The following GRID2 variants were observed in gnomAD, a reference collection of about 807,000 sequenced individuals.
GRID2 encodes the protein glutamate receptor ionotropic, delta-2.
Under a neutral mutation model 114.8 loss-of-function variants are expected in GRID2, and 33 were observed. The observed-to-expected ratio is 0.29, with a 90% confidence interval of 0.22 to 0.38. GRID2 has a LOEUF of 0.38. Among genes scored for constraint, GRID2 ranks in the 10% least tolerant of loss-of-function variants. GRID2 has a pLI of 1.00. For missense variants in GRID2, 1,184 were observed against 1,257.7 expected, an observed-to-expected ratio of 0.94 and a Z score of 0.89; for synonymous variants, 505 against 449.9, an observed-to-expected ratio of 1.12 and a Z score of -1.55.
At chr4:92,496,737 G>C (rs1579467365) in intron 1 of GRID2, among the ~76,000 whole-genome samples, 1 of 151,636 alleles carries the variant, frequency 6.6e-6, no homozygotes, top group East Asian at 1.9e-4. Context: ...GAAAATGAAT[G>C]TTGTTAATAC....
At chr4:92,344,512 A>G (rs1395283232) in intron 1 of GRID2, among the ~76,000 whole-genome samples, 2 of 152,216 alleles carry the variant, frequency 1.3e-5, no homozygotes, top group African/African-American at 4.8e-5. Context: ...GCTCAAAACA[A>G]GAAGATTTAT....
At position 92,400,499 on chromosome 4, in the gene GRID2, A is replaced by G. The variant is rs188902941; in HGVS notation, c.88+95755A>G. On this transcript the variant is annotated intron_variant, in intron 1 of 15. Transcript: ENST00000282020. Reference sequence around the variant, plus strand: ...TGGCCATACCACTATTTGTTTATCTACTCATCAAGTGTTGGGCATTTGAGT... The same window carrying G: ...TGGCCATACCACTATTTGTTTATCTGCTCATCAAGTGTTGGGCATTTGAGT... Among the ~76,000 whole-genome samples, 405 of 152,158 alleles carry G rather than the reference A, an allele frequency of 2.7e-3. 5 individuals carry two copies. The highest frequency in any genetic ancestry group is 9.4e-3 in the African/African-American group (391 of 41,514).
At chr4:92,836,119 G>A (rs1742439564) in intron 2 of GRID2, among the ~76,000 whole-genome samples, 1 of 152,006 alleles carries the variant, frequency 6.6e-6, no homozygotes, top group South Asian at 2.1e-4. Context: ...ATTTATTTTT[G>A]TATCATCTAT....
chr4:92,956,881 T>A (rs1752443805), intron 2 of GRID2, among the ~76,000 whole-genome samples: 2 of 152,172 alleles, frequency 1.3e-5, no homozygotes, highest in Non-Finnish European at 2.9e-5. Flanking sequence ...ATTGTTGTTT[T>A]AATTTTAATT....
At chr4:92,951,935 G>A (rs1752071695) in intron 2 of GRID2, among the ~76,000 whole-genome samples, 1 of 151,952 alleles carries the variant, frequency 6.6e-6, no homozygotes, top group African/African-American at 2.4e-5. Flanking sequence ...ACATGGATAT[G>A]CTATCTCACC....
intron 13 of GRID2, among the ~76,000 whole-genome samples, chr4:93,552,291 C>T (rs1309751025): frequency 2.0e-5 from 3 of 151,922 alleles, no homozygotes; most frequent in Non-Finnish European, 4.4e-5. Context: ...GTTGGACATT[C>T]GGGTTGGTCA....
chr4:93,067,968 G>T (rs1243688285), intron 2 of GRID2, among the ~76,000 whole-genome samples: 1 of 151,890 alleles, frequency 6.6e-6, no homozygotes, highest in Non-Finnish European at 1.5e-5. Flanking sequence ...ATGTTGAATA[G>T]CCTAGAATCT....
intron 10 of GRID2, among the ~76,000 whole-genome samples, chr4:93,425,207 T>C (rs1360609361): frequency 6.6e-6 from 1 of 152,170 alleles, no homozygotes; most frequent in African/African-American, 2.4e-5. Flanking sequence ...GATTATATAT[T>C]GGACTTCGTG....
At chr4:93,301,623 T>C (rs1754877500) in intron 8 of GRID2, among the ~76,000 whole-genome samples, 1 of 152,184 alleles carries the variant, frequency 6.6e-6, no homozygotes, top group East Asian at 1.9e-4. Flanking sequence ...ACTGTTTAAT[T>C]TGAAGATTCC....
At chr4:93,070,873 G>A (rs1021834307) in intron 2 of GRID2, among the ~76,000 whole-genome samples, 2 of 151,976 alleles carry the variant, frequency 1.3e-5, no homozygotes, top group Non-Finnish European at 2.9e-5. Context: ...AAGCTTTTGT[G>A]GAGTATGCTA....
intron 2 of GRID2, among the ~76,000 whole-genome samples, chr4:92,986,901 G>A (rs1754540308): frequency 6.6e-6 from 1 of 152,254 alleles, no homozygotes; most frequent in East Asian, 1.9e-4. Context: ...AGCTTGGTGA[G>A]TTGACAGAAA....
intron 14 of GRID2, among the ~76,000 whole-genome samples, chr4:93,763,389 A>G (rs142191841): frequency 6.6e-6 from 1 of 152,180 alleles, no homozygotes; most frequent in Non-Finnish European, 1.5e-5. Context: ...TCCTCCTAAG[A>G]TCAATTAAGT....
chr4:93,104,004 A>G (rs182020102), intron 3 of GRID2, among the ~76,000 whole-genome samples: 22 of 151,894 alleles, frequency 1.4e-4, no homozygotes, highest in Non-Finnish European at 2.8e-4. Flanking sequence ...CCAGGAAGTA[A>G]GCATAGTACC....
In GRID2 at chr4:93,385,815, A is replaced by C. The variant is rs181670940; in HGVS notation, c.1246-9792A>C. On this transcript the variant is annotated intron_variant, in intron 8 of 15. Transcript: ENST00000282020. ...CAAACCATTTCATTTTCAGATCGAG[A>C]AACTAAGGTTTTTAAAAAACTGATT... is the stretch of plus-strand genomic sequence containing the variant. Among the ~76,000 whole-genome samples, 1,128 of 152,228 alleles carry C rather than the reference A, an allele frequency of 7.4e-3. 12 individuals are homozygous for C. Among genetic ancestry groups the C allele is most frequent in the African/African-American group, 0.026 (1,075 of 41,540 alleles).
At chr4:92,528,164 AT>A (rs1304965494) in intron 1 of GRID2, among the ~76,000 whole-genome samples, 5 of 151,784 alleles carry the variant, frequency 3.3e-5, no homozygotes, top group Non-Finnish European at 1.5e-5. Context: ...GTGGTTCATG[AT>A]TTCTTTTAAA....
intron 2 of GRID2, among the ~76,000 whole-genome samples, chr4:92,963,400 T>C (rs1314435972): frequency 1.3e-5 from 2 of 152,006 alleles, no homozygotes; most frequent in African/African-American, 4.8e-5. Context: ...ATATTCGAAA[T>C]CCTTTGTTGT....
In GRID2 at chr4:93,499,873, T is replaced by C. The variant is rs528221861; in HGVS notation, c.1997+9096T>C. On this transcript the variant is annotated intron_variant, in intron 12 of 15. Coordinates refer to ENST00000282020, the MANE Select transcript of GRID2 (RefSeq NM_001510.4). ...ATATGTTATTATCATCTCTATTTTA[T>C]AGATGATGAAACTGAAGCTAGGGTA... Among the ~76,000 whole-genome samples, 154 of 152,102 alleles carry C rather than the reference T, an allele frequency of 1.0e-3. 1 individual carries two copies. The highest frequency in any genetic ancestry group is 3.7e-3 in the African/African-American group (154 of 41,532).
intron 13 of GRID2, among the ~76,000 whole-genome samples, chr4:93,543,636 C>T (rs900534528): frequency 1.3e-5 from 2 of 151,432 alleles, no homozygotes; most frequent in East Asian, 2.0e-4. Flanking sequence ...GAATATCAAA[C>T]GGCCTGGGAG....
chr4:93,726,735 C>T (rs1729940234), intron 14 of GRID2, among the ~76,000 whole-genome samples: 1 of 152,034 alleles, frequency 6.6e-6, no homozygotes, highest in African/African-American at 2.4e-5. Flanking sequence ...GTATTTTATT[C>T]TCTTTGAAGC....
Sources: allele counts gnomAD v4.1 joint callset (sites outside exome capture counted in the v4.1 genomes callset), GRCh38; gene constraint gnomAD v4.1.1; transcripts MANE v1.5; gene names NCBI Gene and HGNC (gene_info 2026-07-23, HGNC 2026-07-21).